PABPC4L: variants seen among roughly 807,000 people sequenced by gnomAD.
The protein encoded by PABPC4L is polyadenylate-binding protein 4-like.
For missense variants in PABPC4L, 452 were observed against 451.4 expected (o/e 1.00, Z -0.01); for synonymous variants, 169 against 164.1 (o/e 1.03, Z -0.23).
chr4:134,201,270 T>A, intron 1 of PABPC4L, 25 bp from the exon 2 acceptor site: 1 of 1,488,714 alleles, frequency 6.7e-7, no homozygotes, highest in South Asian at 1.2e-5. Flanking sequence ...AGAGAGATTA[T>A]TAGGACAAGA....
chr4:134,157,089 T>C, the PABPC4L span, among the ~76,000 whole-genome samples: 1 of 151,876 alleles, frequency 6.6e-6, no homozygotes, highest in Non-Finnish European at 1.5e-5. Flanking sequence ...TTTAGCTGTA[T>C]CCCATAAATC....
chr4:134,107,050 G>T, the PABPC4L span, among the ~76,000 whole-genome samples: 1 of 151,224 alleles, frequency 6.6e-6, no homozygotes, highest in Non-Finnish European at 1.5e-5. Context: ...ATAATATATT[G>T]ATTTTGTGAC....
chr4:134,092,237 A>G, the PABPC4L span, among the ~76,000 whole-genome samples: 1 of 151,698 alleles, frequency 6.6e-6, no homozygotes, highest in South Asian at 2.1e-4. Context: ...GGCCTGCCAC[A>G]CCCCCATCCT....
the PABPC4L span, among the ~76,000 whole-genome samples, chr4:134,035,694 T>A: frequency 6.6e-6 from 1 of 152,014 alleles, no homozygotes; most frequent in African/African-American, 2.4e-5. Context: ...ACTATACTAA[T>A]GTATAGTCAT....
At chr4:134,027,555 T>C in the PABPC4L span, among the ~76,000 whole-genome samples, 9 of 152,180 alleles carry the variant, frequency 5.9e-5, no homozygotes, top group African/African-American at 2.2e-4. Flanking sequence ...AGCAGAAATC[T>C]CTTCGACAAA....
At chr4:134,092,375 T>G in the PABPC4L span, among the ~76,000 whole-genome samples, 3 of 152,004 alleles carry the variant, frequency 2.0e-5, no homozygotes, top group African/African-American at 7.2e-5. Context: ...GAAGGTTATC[T>G]TCCCACTCCA....
the PABPC4L span, among the ~76,000 whole-genome samples, chr4:134,133,514 A>C: frequency 6.7e-6 from 1 of 149,810 alleles, no homozygotes. Context: ...AAAATGAATG[A>C]AATAATGGCA....
chr4:134,037,997 A>G, the PABPC4L span, among the ~76,000 whole-genome samples: 3 of 152,142 alleles, frequency 2.0e-5, no homozygotes, highest in Non-Finnish European at 2.9e-5. Context: ...GATACGTTTC[A>G]TCAATACTTA....
At chr4:134,012,177 T>A in the PABPC4L span, among the ~76,000 whole-genome samples, 3 of 152,146 alleles carry the variant, frequency 2.0e-5, no homozygotes, top group African/African-American at 7.2e-5. Context: ...TACCTAGCTA[T>A]ACAATTTTTT....
chr4:134,042,206 A>G, the PABPC4L span, among the ~76,000 whole-genome samples: 5 of 152,286 alleles, frequency 3.3e-5, no homozygotes, highest in East Asian at 9.7e-4. Context: ...CTGCATAGAT[A>G]CTGCATGTTC....
At chr4:134,129,055 C>T in the PABPC4L span, among the ~76,000 whole-genome samples, 1 of 152,138 alleles carries the variant, frequency 6.6e-6, no homozygotes, top group South Asian at 2.1e-4. Context: ...AACTTTAATG[C>T]AACAGAAGTT....
the PABPC4L span, among the ~76,000 whole-genome samples, chr4:134,121,872 A>T: frequency 6.6e-6 from 1 of 151,788 alleles, no homozygotes; most frequent in Admixed American, 6.6e-5. Context: ...TCTGTTTAGG[A>T]TCAAAGCACT....
Position 134,198,528 on chromosome 4 carries a change from T to C in PABPC4L, c.*1379A>G, listed in dbSNP as rs1434983666. ...TATATGAAATAGAGAATGTGAATAA[T>C]AGTTATGAGAAAAAACTAAGCCAAG... is the stretch of plus-strand genomic sequence containing the variant. On this transcript the variant is annotated 3_prime_UTR_variant, in exon 2 of 2. Coordinates refer to ENST00000421491, the MANE Select transcript of PABPC4L (RefSeq NM_001114734.2). The C allele has an allele frequency of 2.6e-5, 3 of 117,390 alleles. No individual in the cohort carries two copies. The highest frequency in any genetic ancestry group is 1.2e-4 in the African/African-American group (3 of 25,224). The allele number at this position is 117,390 out of a possible 1,614,324, so 7.3% of individuals were successfully genotyped here.
At chr4:134,039,999 C>T in the PABPC4L span, among the ~76,000 whole-genome samples, 2 of 151,886 alleles carry the variant, frequency 1.3e-5, no homozygotes, top group African/African-American at 4.8e-5. Flanking sequence ...CCTTGGAATA[C>T]AACTTACAAG....
the PABPC4L span, among the ~76,000 whole-genome samples, chr4:134,052,321 G>T: frequency 2.8e-4 from 43 of 151,848 alleles, no homozygotes; most frequent in Admixed American, 2.8e-3. Context: ...TTTTAGCCCA[G>T]TCAAATTTGT....
At chr4:134,016,426 T>C in the PABPC4L span, among the ~76,000 whole-genome samples, 10 of 152,166 alleles carry the variant, frequency 6.6e-5, no homozygotes, top group Non-Finnish European at 1.5e-5. Flanking sequence ...GCTAGAGTCA[T>C]TCACTGCAAA....
At chr4:134,135,624 G>C in the PABPC4L span, among the ~76,000 whole-genome samples, 11 of 152,078 alleles carry the variant, frequency 7.2e-5, no homozygotes, top group African/African-American at 2.2e-4. Context: ...CTGAGGTCGG[G>C]AGTTTGAGAC....
chr4:134,087,882 T>TA, the PABPC4L span, among the ~76,000 whole-genome samples: 1 of 152,132 alleles, frequency 6.6e-6, no homozygotes, highest in African/African-American at 2.4e-5. Flanking sequence ...CAATGGGACA[T>TA]ACATTCTACG....
the PABPC4L span, among the ~76,000 whole-genome samples, chr4:133,989,458 T>C: frequency 1.3e-5 from 2 of 152,220 alleles, no homozygotes; most frequent in Non-Finnish European, 2.9e-5. Context: ...TGACTTTCAC[T>C]TGATTTCACA....
Sources: allele counts gnomAD v4.1 joint callset (sites outside exome capture counted in the v4.1 genomes callset), GRCh38; gene constraint gnomAD v4.1.1; transcripts MANE v1.5; gene names NCBI Gene and HGNC (gene_info 2026-07-23, HGNC 2026-07-21).